BPTF: variants seen among roughly 807,000 people sequenced by gnomAD.
BPTF encodes nucleosome-remodeling factor subunit BPTF.
A neutral mutation model predicts 292.5 loss-of-function variants in BPTF; 18 were observed. The ratio of observed to expected loss-of-function variants is 0.06; its 90% CI spans 0.04 to 0.09. BPTF has a LOEUF of 0.09. BPTF is among the 10% of genes least tolerant of loss of function. The pLI is 1.00. For synonymous variants in BPTF, 1,225 were observed against 1,251.9 expected (o/e 0.98, Z 0.45); for missense variants, 2,726 against 3,498.7 (o/e 0.78, Z 5.57).
At chr17:67,933,751 A>G (rs1171833363) in intron 18 of BPTF, among the ~76,000 whole-genome samples, 2 of 152,260 alleles carry the variant, frequency 1.3e-5, no homozygotes, top group South Asian at 2.1e-4. Context: ...TGAAATACAC[A>G]TTCATTTAAA....
intron 18 of BPTF, among the ~76,000 whole-genome samples, chr17:67,932,640 G>A (rs1239133442): frequency 6.6e-6 from 1 of 152,194 alleles, no homozygotes; most frequent in Non-Finnish European, 1.5e-5. Context: ...GGCAGAGGTT[G>A]CAGTGAGCCA....
In BPTF at chr17:67,976,696, A is replaced by T. The variant is rs1452556628; in HGVS notation, c.8726+738A>T. 3.7e-4 allele frequency among the ~76,000 whole-genome samples: 8 copies of T among 21,736 alleles called. 1 individual carries two copies. The highest frequency in any genetic ancestry group is 5.5e-4 in the African/African-American group (8 of 14,658). 14.3% of individuals were successfully genotyped at this position (21,736 alleles called of 152,430 possible). On this transcript the variant is annotated intron_variant, in intron 27 of 27. Coordinates refer to ENST00000306378, the MANE Select transcript of BPTF (RefSeq NM_182641.4). ...GTGAGACCCTGTCTCAAAAAAAAAA[A>T]AAAAAAAAAAAAAAAAAAATAAGAA...
intron 4 of BPTF, among the ~76,000 whole-genome samples, chr17:67,885,139 G>C (rs996227410): frequency 2.0e-5 from 3 of 152,156 alleles, no homozygotes; most frequent in East Asian, 1.9e-4. Flanking sequence ...GATTTGAAGA[G>C]TATCTTGTCA....
In BPTF at chr17:67,984,245, G is replaced by C. The variant is rs1194602903; in HGVS notation, c.*1957G>C. The C allele has an allele frequency of 9.2e-5, 14 of 152,434 alleles. No individual in the cohort carries two copies. Among genetic ancestry groups the C allele is most frequent in the Non-Finnish European group, 1.6e-4 (11 of 68,022 alleles). The allele number at this position is 152,434 out of a possible 1,614,324, so 9.4% of individuals were successfully genotyped here. ...GCTTAATCATTTAAAATTTGTTGCAGCAAGAACTTTCCTACCTGTAGGCAA... is the reference window on the plus strand; with the variant it reads ...GCTTAATCATTTAAAATTTGTTGCACCAAGAACTTTCCTACCTGTAGGCAA... On this transcript the variant is annotated 3_prime_UTR_variant, in exon 28 of 28. Coordinates refer to ENST00000306378, the MANE Select transcript of BPTF (RefSeq NM_182641.4).
At chr17:67,934,516 T>C (rs1238142305) in intron 18 of BPTF, among the ~76,000 whole-genome samples, 1 of 150,150 alleles carries the variant, frequency 6.7e-6, no homozygotes, top group Non-Finnish European at 1.5e-5. Flanking sequence ...TGAAACTCTG[T>C]CTCAAAAAAA....
chr17:67,838,125 G>A (rs2057275252), intron 1 of BPTF, among the ~76,000 whole-genome samples: 1 of 152,196 alleles, frequency 6.6e-6, no homozygotes, highest in Non-Finnish European at 1.5e-5. Flanking sequence ...CTCTGTCACA[G>A]CTGCTCAGCT....
chr17:67,969,092 A>G (rs2148486231), intron 26 of BPTF, among the ~76,000 whole-genome samples: 1 of 151,588 alleles, frequency 6.6e-6, no homozygotes, highest in Non-Finnish European at 1.5e-5. Context: ...GCTTGAGCCC[A>G]GGAGTTCAAG....
At chr17:67,959,395 C>T in intron 23 of BPTF, 146 bp from the exon 24 acceptor site, 1 of 554,670 alleles carries the variant, frequency 1.8e-6, no homozygotes, top group Non-Finnish European at 2.9e-6. Context: ...TATAAGAAAA[C>T]TCTTGTTTGC....
intron 1 of BPTF, among the ~76,000 whole-genome samples, chr17:67,853,428 A>T (rs2058528883): frequency 6.6e-6 from 1 of 152,098 alleles, no homozygotes; most frequent in African/African-American, 2.4e-5. Context: ...GGTACTTCTG[A>T]CAAAAAAAGA....
Position 67,924,577 on chromosome 17 carries a change from G to T in BPTF, c.5739G>T (p.Glu1913Asp), listed in dbSNP as rs2147296491. Reference sequence around the variant, plus strand: ...AGAAAGAAAAGGCACAAGCAGTTGAGCAACAGGCTAAGGTTAGTGAACAGA... The same window carrying T: ...AGAAAGAAAAGGCACAAGCAGTTGATCAACAGGCTAAGGTTAGTGAACAGA... ...RVEKEKAQAVEQQAKKRLEQQ... is the reference protein window; with the variant it reads ...RVEKEKAQAVDQQAKKRLEQQ... The change falls in exon 15 of 28, where the codon GAG (glutamate) becomes GAT (aspartate). Residue 1913 changes from glutamate to aspartate, a missense_variant. Physicochemically the swap from Glu to Asp is conservative, Grantham distance 45. Around this residue, in one of 22 missense-constraint regions of BPTF, gnomAD observed 198 missense variants for 277.1 expected, o/e 0.71. Coordinates refer to ENST00000306378, the MANE Select transcript of BPTF (RefSeq NM_182641.4). 3 of 1,613,716 alleles carry T rather than the reference G, an allele frequency of 1.9e-6. No homozygotes were observed. The East Asian group carries it at 6.7e-5, about 36-fold the overall frequency.
chr17:67,855,769 G>T (rs1411525848), intron 2 of BPTF, among the ~76,000 whole-genome samples: 1 of 152,220 alleles, frequency 6.6e-6, no homozygotes, highest in Non-Finnish European at 1.5e-5. Context: ...CCCTCTTCCA[G>T]TTCTTAGAAT....
At chr17:67,932,372 T>G (rs1224361652) in intron 18 of BPTF, among the ~76,000 whole-genome samples, 1 of 152,204 alleles carries the variant, frequency 6.6e-6, no homozygotes, top group East Asian at 1.9e-4. Flanking sequence ...CATTTATTAC[T>G]CTTAATGAGA....
chr17:67,971,827 CAAAAA>C (rs575119720), intron 26 of BPTF, among the ~76,000 whole-genome samples: 1 of 83,390 alleles, frequency 1.2e-5, no homozygotes, highest in African/African-American at 4.8e-5. Context: ...GACTCCATCT[CAAAAA>C]AAAAAAAAAA....
chr17:67,881,310 C>A, intron 4 of BPTF, among the ~76,000 whole-genome samples: 1 of 152,022 alleles, frequency 6.6e-6, no homozygotes. Context: ...TTTCAACTGT[C>A]TTTGGCAAGA....
At chr17:67,843,596 A>C (rs1399992821) in intron 1 of BPTF, among the ~76,000 whole-genome samples, 1 of 149,024 alleles carries the variant, frequency 6.7e-6, no homozygotes, top group Non-Finnish European at 1.5e-5. Flanking sequence ...ATATATCTAG[A>C]TATATATGTA....
rs868953707 is a variant in BPTF, at chr17:67,966,510, C to G, written c.8455-62C>G. On this transcript the variant is annotated intron_variant, in intron 25 of 27. Transcript: ENST00000306378. Reference sequence around the variant, plus strand: ...GGGTTCATTGATGTAGTAACTCAACCAGGAAACTTAAATGGAATTAGTGTT... The same window carrying G: ...GGGTTCATTGATGTAGTAACTCAACGAGGAAACTTAAATGGAATTAGTGTT... 6 of 1,478,426 alleles carry G rather than the reference C, an allele frequency of 4.1e-6. No homozygotes were observed. The Admixed American group carries it at 8.9e-5, about 22-fold the overall frequency. 91.6% of individuals were successfully genotyped at this position (1,478,426 alleles called of 1,614,324 possible).
At chr17:67,873,124 CA>C (rs34482518) in intron 3 of BPTF, among the ~76,000 whole-genome samples, 1 of 151,934 alleles carries the variant, frequency 6.6e-6, no homozygotes. Flanking sequence ...AACACAAACC[CA>C]AAAATCCAAG....
intron 2 of BPTF, among the ~76,000 whole-genome samples, chr17:67,858,822 A>C (rs1385707494): frequency 3.3e-5 from 5 of 152,000 alleles, no homozygotes; most frequent in Admixed American, 1.3e-4. Flanking sequence ...GCTTGTCCTT[A>C]CCCTTTGGAT....
At chr17:67,936,799 G>A (rs1000505636) in intron 18 of BPTF, 3 of 152,138 alleles carry the variant, frequency 2.0e-5, no homozygotes, top group Non-Finnish European at 4.4e-5. Flanking sequence ...TTGTACATAA[G>A]CATTCATTTA....
Sources: allele counts gnomAD v4.1 joint callset (sites outside exome capture counted in the v4.1 genomes callset), GRCh38; gene constraint gnomAD v4.1.1; regional missense constraint gnomAD v4.1.1; transcripts MANE v1.5; gene names NCBI Gene and HGNC (gene_info 2026-07-23, HGNC 2026-07-21).